The following USP40 variants were observed in gnomAD, a reference collection of about 807,000 sequenced individuals.
The protein encoded by USP40 is ubiquitin specific peptidase 40.
A neutral mutation model predicts 166.2 loss-of-function variants in USP40; 143 were observed. The ratio of observed to expected loss-of-function variants is 0.86; its 90% CI spans 0.75 to 0.99. The LOEUF (loss-of-function observed/expected upper bound fraction) is 0.99, where lower values mean the gene tolerates loss of function less well. Among genes scored for constraint, USP40 ranks in the 50% least tolerant of loss-of-function variants. The pLI is 0.00. For synonymous variants in USP40, 498 were observed against 524.0 expected, an observed-to-expected ratio of 0.95 and a Z score of 0.68; for missense variants, 1,444 against 1,479.7, an observed-to-expected ratio of 0.98 and a Z score of 0.40.
intron 13 of USP40, among the ~76,000 whole-genome samples, chr2:233,527,180 C>T (rs576012381): frequency 6.6e-6 from 1 of 152,166 alleles, no homozygotes; most frequent in Admixed American, 6.5e-5. Context: ...ATAAAATGTA[C>T]CAGGCCTGAT....
chr2:233,551,245 T>C (rs1452172444), intron 7 of USP40, 131 bp downstream of exon 7: 16 of 1,017,236 alleles, frequency 1.6e-5, no homozygotes, highest in East Asian at 2.7e-5. Context: ...CAACAAAGAA[T>C]AGTTTAACTG....
chr2:233,486,272 G>A lies in USP40; in HGVS notation c.3198-295C>T, dbSNP rs1161534309. 6.6e-6 allele frequency among the ~76,000 whole-genome samples: 1 copy of A among 152,188 alleles called. No homozygotes were observed. Among genetic ancestry groups the A allele is most frequent in the Admixed American group, 6.5e-5 (1 of 15,282 alleles). On this transcript the variant is annotated intron_variant, in intron 28 of 31. Transcript: ENST00000678225. This position sits in a 1 kb window ranked among gnomAD's most constrained non-coding sequence, Gnocchi z 4.0. The stretch of plus-strand genomic sequence containing the variant: ...AAGGAAAGAGGTGGCGGCCTGAGCA[G>A]GTACGATGTGGCAGAGAGGGACAGG...
At chr2:233,511,584 T>C in intron 20 of USP40, 125 bp downstream of exon 20, 1 of 626,018 alleles carries the variant, frequency 1.6e-6, no homozygotes, top group East Asian at 3.0e-5. Flanking sequence ...ATTCCTAAAA[T>C]AAAATGTATG....
chr2:233,479,628 C>CGTGTGTGTGTGTGTGT (rs72454809), intron 31 of USP40, among the ~76,000 whole-genome samples: 5 of 145,414 alleles, frequency 3.4e-5, no homozygotes, highest in Admixed American at 1.4e-4. Flanking sequence ...TAGAATTTTA[C>CGTGTGTGTGTGTGTGT]GTGTGTGTGT....
chr2:233,495,273 G>C (rs1323864445), intron 24 of USP40, among the ~76,000 whole-genome samples: 1 of 151,718 alleles, frequency 6.6e-6, no homozygotes, highest in African/African-American at 2.4e-5. Flanking sequence ...CTGTGTATGT[G>C]TGGATATATA....
Position 233,477,417 on chromosome 2 carries a change from G to A in USP40, c.3686C>T (p.Ser1229Phe). 1 of 1,613,758 alleles carries A rather than the reference G, an allele frequency of 6.2e-7. No homozygotes were observed. Among genetic ancestry groups the A allele is most frequent in the Non-Finnish European group, 8.5e-7 (1 of 1,179,834 alleles). Residue 1229 changes from serine to phenylalanine, a missense_variant, in exon 32 of 32, where the codon TCC (serine) becomes TTC (phenylalanine). By Grantham distance (155) the Ser-to-Phe change is radical (BLOSUM62 -2). Coordinates refer to ENST00000678225, the MANE Select transcript of USP40 (RefSeq NM_001365479.2). ...TTATCTGAAGCTCCCCACGTGGATGGAGAGAGAAGTTTCCGGGGCTCGGGG... is the reference window on the plus strand; with the variant it reads ...TTATCTGAAGCTCCCCACGTGGATGAAGAGAGAAGTTTCCGGGGCTCGGGG... ...ARPRAPETSL[S>F]IHVGSFR is the part of the protein sequence containing the mutation.
At chr2:233,518,220 T>TA (rs1336449145) in intron 18 of USP40, among the ~76,000 whole-genome samples, 2 of 125,984 alleles carry the variant, frequency 1.6e-5, no homozygotes, top group Non-Finnish European at 3.3e-5. Context: ...TTTTTTTTTT[T>TA]AAAAGTCAAA....
chr2:233,487,189 C>T (rs2065001883), intron 28 of USP40, among the ~76,000 whole-genome samples: 1 of 152,222 alleles, frequency 6.6e-6, no homozygotes, highest in African/African-American at 2.4e-5. Context: ...AGTCAAAATA[C>T]ACGAAATAAC....
Position 233,533,757 on chromosome 2 carries a change from A to G in USP40, c.1193T>C (p.Ile398Thr). 2 of 1,605,980 alleles carry G rather than the reference A, an allele frequency of 1.2e-6. No homozygotes were observed. Among genetic ancestry groups the G allele is most frequent in the Non-Finnish European group, 1.7e-6 (2 of 1,175,730 alleles). The change falls in exon 11 of 32, where the codon ATA becomes ACA. Residue 398 changes from isoleucine to threonine, a missense_variant. Physicochemically the swap from Ile to Thr is moderately conservative, Grantham distance 89 (BLOSUM62 -1). Coordinates refer to ENST00000678225, the MANE Select transcript of USP40 (RefSeq NM_001365479.2). ...LRKFLQLHSQ[I>T]FLLSSDESTV... is the part of the protein sequence containing the mutation. Reference sequence around the variant, plus strand: ...ACTTTCATCTGAACTGAGTAGAAATATCTGAGAATGGAGCTGTAAGAACTA... The same window carrying G: ...ACTTTCATCTGAACTGAGTAGAAATGTCTGAGAATGGAGCTGTAAGAACTA...
Position 233,477,416 on chromosome 2 carries a change from GGA to G in USP40, c.3685_3686del (p.Ser1229HisfsTer23), listed in dbSNP as rs2064235799. On this transcript the variant is annotated frameshift_variant, in exon 32 of 32. Transcript: ENST00000678225. LOFTEE classifies it high-confidence loss of function. ...ARPRAPETSL[S>X]IHVGSFR ...GTTATCTGAAGCTCCCCACGTGGAT[GGA>G]GAGAGAAGTTTCCGGGGCTCGGGGC... 8 of 1,613,768 alleles carry G rather than the reference GGA, an allele frequency of 5.0e-6. No individual in the cohort carries two copies. The highest frequency in any genetic ancestry group is 6.8e-6 in the Non-Finnish European group (8 of 1,179,848).
intron 5 of USP40, 46 bp from the exon 6 acceptor site, chr2:233,554,572 T>TACAA: frequency 6.8e-7 from 1 of 1,475,956 alleles, no homozygotes; most frequent in Non-Finnish European, 9.1e-7. Context: ...TTCAGAGGTT[T>TACAA]ACAAACACAT....
At chr2:233,553,893 T>C (rs1447828399) in intron 6 of USP40, among the ~76,000 whole-genome samples, 1 of 152,210 alleles carries the variant, frequency 6.6e-6, no homozygotes, top group Non-Finnish European at 1.5e-5. Flanking sequence ...ATCAGAAGTA[T>C]TCTGTTAAAT....
At chr2:233,515,408 T>C (rs2067116787) in intron 18 of USP40, among the ~76,000 whole-genome samples, 1 of 152,208 alleles carries the variant, frequency 6.6e-6, no homozygotes, top group African/African-American at 2.4e-5. Flanking sequence ...TTAAGTTTTA[T>C]TTACTCCACT....
chr2:233,514,063 T>A (rs557643834), intron 18 of USP40, among the ~76,000 whole-genome samples: 1 of 152,338 alleles, frequency 6.6e-6, no homozygotes, highest in Non-Finnish European at 1.5e-5. Context: ...ACTTAAAAAG[T>A]GCTTTTAAAA....
chr2:233,496,881 C>A, intron 23 of USP40, 49 bp from the exon 24 acceptor site: 1 of 1,444,426 alleles, frequency 6.9e-7, no homozygotes, highest in Middle Eastern at 1.8e-4. Flanking sequence ...CTGAAAGGAG[C>A]AGATCATTGA....
chr2:233,557,073 A>G, intron 4 of USP40, 54 bp from the exon 5 acceptor site: 1 of 1,484,880 alleles, frequency 6.7e-7, no homozygotes, highest in Non-Finnish European at 9.1e-7. Flanking sequence ...TTTTTAAAAC[A>G]TTAAAAAAAC....
chr2:233,556,116 A>C (rs1304952212), intron 5 of USP40, among the ~76,000 whole-genome samples: 1 of 140,952 alleles, frequency 7.1e-6, no homozygotes, highest in African/African-American at 2.6e-5. Flanking sequence ...ACTCCATCTC[A>C]AAAAAAAAAA....
intron 26 of USP40, 82 bp from the exon 27 acceptor site, chr2:233,489,565 C>A: frequency 1.8e-6 from 2 of 1,112,066 alleles, no homozygotes; most frequent in Non-Finnish European, 2.6e-6. Context: ...AAAAATGAAG[C>A]ACTACACAGT....
At chr2:233,564,438 T>C (rs975783390) in intron 2 of USP40, among the ~76,000 whole-genome samples, 2 of 151,996 alleles carry the variant, frequency 1.3e-5, no homozygotes, top group African/African-American at 4.8e-5. Context: ...CTAGGACCCT[T>C]GTGGAGGAAG....
Sources: allele counts gnomAD v4.1 joint callset (sites outside exome capture counted in the v4.1 genomes callset), GRCh38; gene constraint gnomAD v4.1.1; non-coding constraint Gnocchi (gnomAD v3.1); transcripts MANE v1.5; gene names NCBI Gene and HGNC (gene_info 2026-07-23, HGNC 2026-07-21).